The following MTOR variants were observed in gnomAD, a reference collection of about 807,000 sequenced individuals.
MTOR encodes the protein mechanistic target of rapamycin kinase, also known as serine/threonine-protein kinase mTOR.
Under a neutral mutation model 319.8 loss-of-function variants are expected in MTOR, and 70 were observed. The ratio of observed to expected loss-of-function variants is 0.22; its 90% CI spans 0.18 to 0.27. MTOR has a LOEUF of 0.27. MTOR is among the 10% of genes least tolerant of loss of function. MTOR has a pLI of 1.00. For missense variants in MTOR, 1,890 were observed against 3,274.4 expected (o/e 0.58, Z 10.32); for synonymous variants, 1,183 against 1,211.4 (o/e 0.98, Z 0.49).
intron 37 of MTOR, 55 bp downstream of exon 37, chr1:11,134,296 C>A (rs1242525336): frequency 6.6e-7 from 1 of 1,520,908 alleles, no homozygotes; most frequent in African/African-American, 1.4e-5. Flanking sequence ...GCTGCAGAAG[C>A]TGCTGGGATG....
At chr1:11,161,504 C>T (rs1158416041) in intron 29 of MTOR, among the ~76,000 whole-genome samples, 3 of 152,132 alleles carry the variant, frequency 2.0e-5, no homozygotes. Flanking sequence ...GGTCTCTGAC[C>T]CCCCAGTAGC....
At chr1:11,112,818 G>A (rs201728709) in intron 54 of MTOR, 34 bp downstream of exon 54, 1 of 1,611,542 alleles carries the variant, frequency 6.2e-7, no homozygotes, top group Admixed American at 1.7e-5. Flanking sequence ...GCACAAGGGG[G>A]AGAGCCTTTG....
intron 26 of MTOR, among the ~76,000 whole-genome samples, chr1:11,200,947 A>G (rs1483906996): frequency 6.6e-6 from 1 of 151,612 alleles, no homozygotes; most frequent in Non-Finnish European, 1.5e-5. Flanking sequence ...CCTGGGAGGC[A>G]GAGTTTGCAG....
intron 28 of MTOR, among the ~76,000 whole-genome samples, chr1:11,196,885 G>A (rs1041892960): frequency 1.3e-5 from 2 of 151,688 alleles, no homozygotes; most frequent in Non-Finnish European, 2.9e-5. Context: ...AAAAGAAATA[G>A]CTGAACAAAG....
chr1:11,259,585 T>C (rs1650850106), intron 1 of MTOR, among the ~76,000 whole-genome samples, 162 bp from the exon 2 acceptor site: 1 of 152,320 alleles, frequency 6.6e-6, no homozygotes, highest in Non-Finnish European at 1.5e-5. Context: ...AAAGCCTAGA[T>C]TCATTAAACA....
Position 11,121,182 on chromosome 1 carries a change from A to C in MTOR, c.6933+64T>G. 1 of 1,599,626 alleles carries C rather than the reference A, an allele frequency of 6.3e-7. No individual in the cohort carries two copies. Among genetic ancestry groups the C allele is most frequent in the Middle Eastern group, 1.7e-4 (1 of 5,970 alleles). On this transcript the variant is annotated intron_variant, in intron 49 of 57. Coordinates refer to ENST00000361445, the MANE Select transcript of MTOR (RefSeq NM_004958.4). The surrounding 1 kb of genome is among the most constrained non-coding windows in gnomAD (Gnocchi z 4.9). ...CGCTGTGTGCACATGAACAGATGGG[A>C]GGGCCATCCTATTGCGAGTGGGGGT...
chr1:11,167,586 G>T, intron 28 of MTOR, 69 bp from the exon 29 acceptor site: 1 of 1,207,768 alleles, frequency 8.3e-7, no homozygotes, highest in Non-Finnish European at 1.2e-6. Context: ...GGGGTCATTT[G>T]TGGGCAGATG....
chr1:11,204,513 A>ATT (rs1296856462), intron 26 of MTOR, 48 bp downstream of exon 26: 1 of 1,564,756 alleles, frequency 6.4e-7, no homozygotes, highest in Non-Finnish European at 8.7e-7. Context: ...ATTTGTATAT[A>ATT]TCGTTTTCTA....
At chr1:11,236,251 C>G (rs1647219726) in intron 13 of MTOR, among the ~76,000 whole-genome samples, 1 of 151,504 alleles carries the variant, frequency 6.6e-6, no homozygotes, top group Non-Finnish European at 1.5e-5. Context: ...ATCCTCCCAC[C>G]TCAGCCTCCT....
Position 11,193,955 on chromosome 1 carries a change from C to T in MTOR, c.4253+5303G>A, listed in dbSNP as rs1051627648. On this transcript the variant is annotated intron_variant, in intron 28 of 57. Coordinates refer to ENST00000361445, the MANE Select transcript of MTOR (RefSeq NM_004958.4). Reference sequence around the variant, plus strand: ...GGTATTTTTCCTTTCTGCAACCCCCCCAACCCCCCGACAAAAGTGGGGCTG... The same window carrying T: ...GGTATTTTTCCTTTCTGCAACCCCCTCAACCCCCCGACAAAAGTGGGGCTG... Among the ~76,000 whole-genome samples the T allele has an allele frequency of 9.8e-4, 149 of 152,208 alleles. 1 individual carries two copies. The highest frequency in any genetic ancestry group is 5.2e-3 in the South Asian group (25 of 4,828).
chr1:11,161,464 C>A (rs1254391357), intron 29 of MTOR, among the ~76,000 whole-genome samples: 2 of 152,216 alleles, frequency 1.3e-5, no homozygotes. Flanking sequence ...AGTTTGAGAT[C>A]TGAGAGGCGA....
Position 11,167,480 on chromosome 1 carries a change from C to T in MTOR, c.4291G>A (p.Gly1431Arg), listed in dbSNP as rs1644683232. ...TGTTTCATGGCATATTCTAACACTC[C>T]GGCCGCTGCCTCCGGCTGCTGTAGC... ...NKLQQPEAAAGVLEYAMKHFG... is the reference protein window; with the variant it reads ...NKLQQPEAAARVLEYAMKHFG... Residue 1431 changes from glycine (G) to arginine (R), a missense_variant, in exon 29 of 58, where the codon GGA (glycine) becomes AGA (arginine). Around this residue, in one of 15 missense-constraint regions of MTOR, gnomAD observed 45 missense variants for 107.2 expected, o/e 0.42. Coordinates refer to ENST00000361445, the MANE Select transcript of MTOR (RefSeq NM_004958.4). 1.2e-6 allele frequency: 2 copies of T among 1,613,326 alleles called. No homozygotes were observed. The highest frequency in any genetic ancestry group is 1.3e-5 in the African/African-American group (1 of 74,898).
intron 39 of MTOR, 90 bp downstream of exon 39, chr1:11,130,439 C>T (rs570373910): frequency 1.9e-6 from 3 of 1,549,408 alleles, no homozygotes; most frequent in Middle Eastern, 1.8e-4. Flanking sequence ...CAGATACAGC[C>T]TCAGGTTCCT....
rs2100422651 is a variant in MTOR, at chr1:11,129,685, G to C, written c.5714+53C>G. 1 of 1,507,732 alleles carries C rather than the reference G, an allele frequency of 6.6e-7. No individual in the cohort carries two copies. The highest frequency in any genetic ancestry group is 1.4e-5 in the African/African-American group (1 of 72,902). The allele number at this position is 1,507,732 out of a possible 1,614,324, so 93.4% of individuals were successfully genotyped here. On this transcript the variant is annotated intron_variant, in intron 40 of 57. Coordinates refer to ENST00000361445, the MANE Select transcript of MTOR (RefSeq NM_004958.4). This position sits in a 1 kb window ranked among gnomAD's most constrained non-coding sequence, Gnocchi z 4.7. ...AGAGGACTTTTACGTGTGACTTCTAGGTCTTGCCATTAACATGGCCTACCA... is the reference window on the plus strand; with the variant it reads ...AGAGGACTTTTACGTGTGACTTCTACGTCTTGCCATTAACATGGCCTACCA...
At chr1:11,226,144 A>G (rs1487067332) in intron 19 of MTOR, 2 of 152,206 alleles carry the variant, frequency 1.3e-5, no homozygotes, top group Non-Finnish European at 2.9e-5. Flanking sequence ...ACACATTAAA[A>G]GAGAAAAACC....
At chr1:11,235,337 G>A (rs1032219393) in intron 13 of MTOR, among the ~76,000 whole-genome samples, 2 of 152,034 alleles carry the variant, frequency 1.3e-5, no homozygotes, top group Admixed American at 1.3e-4. Flanking sequence ...GGCCAAAGTC[G>A]GCCAGGCACG....
In MTOR at chr1:11,126,698, G is replaced by T. The variant is rs1052395251; in HGVS notation, c.6450C>A (p.Ile2150=). ...ACGGTGCTATGGACTGAATGCGAAT[G>T]ATTGGCTGGTTGGGGTCATATGTTC... The part of the protein sequence containing the change: ...VPGTYDPNQP[I]IRIQSIAPSL... Residue 2150 remains isoleucine (I), a synonymous_variant, in exon 46 of 58, where the codon ATC becomes ATA. Transcript: ENST00000361445. 2 of 1,613,928 alleles carry T rather than the reference G, an allele frequency of 1.2e-6. No homozygotes were observed. The highest frequency in any genetic ancestry group is 2.7e-5 in the African/African-American group (2 of 74,872).
intron 28 of MTOR, among the ~76,000 whole-genome samples, chr1:11,191,499 G>A (rs992392234): frequency 1.3e-5 from 2 of 152,090 alleles, no homozygotes; most frequent in African/African-American, 4.8e-5. Flanking sequence ...ATAGCAGGCA[G>A]GAAGCTTCTC....
intron 36 of MTOR, chr1:11,138,859 G>A (rs1175349940): frequency 1.3e-5 from 2 of 154,874 alleles, no homozygotes; most frequent in African/African-American, 4.8e-5. Context: ...TTTCCCTCCT[G>A]GTTTCAGCAT....
Sources: gnomAD v4.1 joint callset for allele counts (sites outside exome capture counted in the v4.1 genomes callset) on GRCh38, gnomAD v4.1.1 for gene constraint, gnomAD v4.1.1 regional missense constraint, Gnocchi (gnomAD v3.1) non-coding constraint, MANE v1.5 for transcripts, NCBI Gene and HGNC (gene_info 2026-07-23, HGNC 2026-07-21) for gene names.